The following GRIA3 variants were observed in gnomAD, a reference collection of about 807,000 sequenced individuals.
GRIA3 encodes glutamate receptor 3.
In GRIA3, 3 loss-of-function variants were observed where a neutral mutation model predicts 63.0. The observed-to-expected ratio is 0.05, with a 90% CI of 0.02 to 0.12. The LOEUF (loss-of-function observed/expected upper bound fraction) is 0.12. Ranked by LOEUF, GRIA3 falls within the 10% of genes least tolerant of loss-of-function variation. GRIA3 has a pLI of 1.00. For missense variants in GRIA3, 347 were observed against 700.9 expected (o/e 0.50, Z 5.70); for synonymous variants, 274 against 257.9 (o/e 1.06, Z -0.60).
At chrX:123,475,808 T>G (rs2045884303) in intron 13 of GRIA3, among the ~76,000 whole-genome samples, 1 of 111,523 alleles carries the variant, frequency 9.0e-6, no homozygotes. Context: ...AATAAAGTCA[T>G]CACAAATATC....
At chrX:123,458,514 A>G (rs753726564) in intron 12 of GRIA3, among the ~76,000 whole-genome samples, 1 of 111,480 alleles carries the variant, frequency 9.0e-6, no homozygotes, top group Admixed American at 9.6e-5. Flanking sequence ...CCTCTTCACC[A>G]GAAGCATTTA....
chrX:123,257,764 G>A (rs2044428116), intron 3 of GRIA3, among the ~76,000 whole-genome samples: 1 of 111,664 alleles, frequency 9.0e-6, no homozygotes, highest in Admixed American at 9.5e-5. Context: ...TGACTCTACT[G>A]TATAAGGGCA....
chrX:123,320,686 C>A (rs1470370948), intron 3 of GRIA3, among the ~76,000 whole-genome samples: 1 of 112,187 alleles, frequency 8.9e-6, no homozygotes, highest in Non-Finnish European at 1.9e-5. Flanking sequence ...GTAAGTTGGA[C>A]ATGATGCACT....
intron 12 of GRIA3, among the ~76,000 whole-genome samples, chrX:123,439,805 T>C (rs1013115624): frequency 2.7e-5 from 3 of 110,489 alleles, no homozygotes; most frequent in African/African-American, 9.9e-5. Context: ...TTTTTTTTTA[T>C]TTATTTTCAT....
At chrX:123,410,607 G>T (rs1192285082) in intron 10 of GRIA3, among the ~76,000 whole-genome samples, 1 of 111,752 alleles carries the variant, frequency 8.9e-6, no homozygotes, top group Non-Finnish European at 1.9e-5. Context: ...GCAGAGAGTC[G>T]ATTTGTCCTT....
At chrX:123,484,114 G>C (rs1022983763) in intron 15 of GRIA3, among the ~76,000 whole-genome samples, 2 of 112,042 alleles carry the variant, frequency 1.8e-5, no homozygotes, top group African/African-American at 6.5e-5. Flanking sequence ...TCAAAGGATA[G>C]TCTAGGCTCC....
chrX:123,185,232 C>T (rs1927230223), intron 1 of GRIA3, among the ~76,000 whole-genome samples: 1 of 111,461 alleles, frequency 9.0e-6, no homozygotes, highest in Admixed American at 9.4e-5. Context: ...GGGCAAGCGG[C>T]GAAGTCACGC....
chrX:123,466,657 T>C (rs184657580), intron 13 of GRIA3, among the ~76,000 whole-genome samples: 1 of 112,344 alleles, frequency 8.9e-6, no homozygotes, highest in East Asian at 2.8e-4. Flanking sequence ...TACAAAGTCA[T>C]GGAAACACAC....
intron 3 of GRIA3, among the ~76,000 whole-genome samples, chrX:123,264,220 G>T (rs183811463): frequency 8.9e-6 from 1 of 112,305 alleles, no homozygotes; most frequent in East Asian, 2.8e-4. Context: ...GGAATGCTCA[G>T]AAATAGAGGA....
chrX:123,326,374 A>G (rs1419774101), intron 4 of GRIA3, among the ~76,000 whole-genome samples, 161 bp downstream of exon 4: 2 of 106,698 alleles, frequency 1.9e-5, no homozygotes, highest in Non-Finnish European at 4.0e-5. Context: ...CTGCAGAAAA[A>G]AAAAAAAAAA....
chrX:123,442,277 C>G (rs1372269108), intron 12 of GRIA3, among the ~76,000 whole-genome samples: 1 of 112,117 alleles, frequency 8.9e-6, no homozygotes, highest in Non-Finnish European at 1.9e-5. Context: ...TTTACAAACA[C>G]AGTTGTTTCT....
chrX:123,215,299 T>G (rs1413556229), intron 2 of GRIA3, among the ~76,000 whole-genome samples: 2 of 111,833 alleles, frequency 1.8e-5, no homozygotes, highest in Non-Finnish European at 3.8e-5. Flanking sequence ...GCAAAACCAC[T>G]TTACCTCTCT....
At chrX:123,313,614 A>C (rs1167022353) in intron 3 of GRIA3, among the ~76,000 whole-genome samples, 1 of 111,449 alleles carries the variant, frequency 9.0e-6, no homozygotes, top group East Asian at 2.8e-4. Flanking sequence ...AGAAATGTTA[A>C]GAGGTTTATC....
intron 15 of GRIA3, among the ~76,000 whole-genome samples, chrX:123,483,654 C>T (rs1463862839): frequency 1.8e-5 from 2 of 112,323 alleles, no homozygotes; most frequent in African/African-American, 3.2e-5. Flanking sequence ...AATTAGGGGC[C>T]GGGCACGGTG....
intron 4 of GRIA3, among the ~76,000 whole-genome samples, chrX:123,328,771 A>G (rs2044922286): frequency 8.9e-6 from 1 of 112,138 alleles, no homozygotes; most frequent in Non-Finnish European, 1.9e-5. Context: ...ACCTACAGTT[A>G]CATGATGTGA....
intron 12 of GRIA3, among the ~76,000 whole-genome samples, chrX:123,440,888 C>A (rs2045670408): frequency 9.0e-6 from 1 of 111,582 alleles, no homozygotes; most frequent in African/African-American, 3.3e-5. Flanking sequence ...GATGGTATTG[C>A]CTAGGTTGTC....
chrX:123,415,274 C>T (rs750030655), intron 10 of GRIA3, among the ~76,000 whole-genome samples: 8 of 111,209 alleles, frequency 7.2e-5, no homozygotes, highest in African/African-American at 1.6e-4. Context: ...TAAGAGCCAC[C>T]GGAATAGATT....
At chrX:123,285,407 C>T (rs1165563537) in intron 3 of GRIA3, among the ~76,000 whole-genome samples, 1 of 109,311 alleles carries the variant, frequency 9.1e-6, no homozygotes, top group East Asian at 2.9e-4. Context: ...ACAATATTAC[C>T]CTTAAATGTA....
At chrX:123,370,082 A>G (rs2045237925) in intron 5 of GRIA3, among the ~76,000 whole-genome samples, 1 of 111,783 alleles carries the variant, frequency 8.9e-6, no homozygotes, top group Non-Finnish European at 1.9e-5. Flanking sequence ...CGCACCTACA[A>G]TTCGCAAGTG....
Sources: gnomAD v4.1 joint callset for allele counts (sites outside exome capture counted in the v4.1 genomes callset) on GRCh38, gnomAD v4.1.1 for gene constraint, MANE v1.5 for transcripts, NCBI Gene and HGNC (gene_info 2026-07-23, HGNC 2026-07-21) for gene names.